The following PSMD1 variants were observed in gnomAD, a reference collection of about 807,000 sequenced individuals.
The protein encoded by PSMD1 is proteasome 26S subunit, non-ATPase 1.
PSMD1 carries 18 observed loss-of-function variants against 119.0 expected under a neutral mutation model. The ratio of observed to expected loss-of-function variants is 0.15; its 90% CI spans 0.10 to 0.22. The LOEUF (loss-of-function observed/expected upper bound fraction) is 0.22, where lower values mean the gene tolerates loss of function less well. PSMD1 is among the 10% of genes least tolerant of loss of function. The probability of loss-of-function intolerance (pLI) is 1.00; values close to 1 mark genes in which losing one functional copy is unlikely to be tolerated. For missense variants in PSMD1, 702 were observed against 1,158.5 expected (o/e 0.61, Z 5.72); for synonymous variants, 374 against 396.6 (o/e 0.94, Z 0.68).
Position 231,170,377 on chromosome 2 carries a change from CTACTGGGTTAAGTTTGCAAA to C in PSMD1, c.2716-184_2716-165del. The C allele has an allele frequency of 2.0e-6, 1 of 504,766 alleles. No individual in the cohort carries two copies. The highest frequency in any genetic ancestry group is 4.5e-5 in the South Asian group (1 of 22,122). 31.3% of individuals were successfully genotyped at this position (504,766 alleles called of 1,614,324 possible). ...GCATCACATGTTATACCATCTAGAG[CTACTGGGTTAAGTTTGCAAA>C]TACTTCGTATAGATCACAGTTATCT... On this transcript the variant is annotated intron_variant, in intron 23 of 24. Transcript: ENST00000308696. This position sits in a 1 kb window ranked among gnomAD's most constrained non-coding sequence, Gnocchi z 4.1.
At chr2:231,084,808 C>A (rs1350188713) in intron 14 of PSMD1, among the ~76,000 whole-genome samples, 2 of 152,042 alleles carry the variant, frequency 1.3e-5, no homozygotes, top group African/African-American at 2.4e-5. Context: ...TATTGCATAG[C>A]GTATTGGGAA....
chr2:231,110,065 T>C (rs1263899458), intron 16 of PSMD1, among the ~76,000 whole-genome samples: 1 of 152,248 alleles, frequency 6.6e-6, no homozygotes, highest in Non-Finnish European at 1.5e-5. Flanking sequence ...ATGCCTGTAA[T>C]TCCAGCACTT....
At chr2:231,086,335 GTGTC>G (rs1330300426) in intron 15 of PSMD1, among the ~76,000 whole-genome samples, 1 of 152,204 alleles carries the variant, frequency 6.6e-6, no homozygotes, top group African/African-American at 2.4e-5. Context: ...GTGAGCCACT[GTGTC>G]TGGCCAGTTG....
intron 16 of PSMD1, among the ~76,000 whole-genome samples, chr2:231,110,124 A>G (rs1559234427): frequency 6.6e-6 from 1 of 152,142 alleles, no homozygotes; most frequent in Non-Finnish European, 1.5e-5. Context: ...GTTTGAGACA[A>G]GCCTGGCCAA....
intron 16 of PSMD1, among the ~76,000 whole-genome samples, chr2:231,103,444 G>C (rs981496001): frequency 3.9e-5 from 6 of 152,154 alleles, no homozygotes; most frequent in African/African-American, 1.4e-4. Context: ...ACTTTTCATA[G>C]AAGTGTCCAG....
chr2:231,095,364 C>T (rs1694699445), intron 16 of PSMD1, among the ~76,000 whole-genome samples: 1 of 152,168 alleles, frequency 6.6e-6, no homozygotes. Context: ...AGGAAATTAG[C>T]ATGTATCCAA....
chr2:231,102,890 TTATTTATTA>T (rs1694902186), intron 16 of PSMD1, among the ~76,000 whole-genome samples: 1 of 142,292 alleles, frequency 7.0e-6, no homozygotes, highest in African/African-American at 2.5e-5. Context: ...TTGTTATAGC[TTATTTATTA>T]TATTTGTTAT....
intron 18 of PSMD1, 42 bp from the exon 19 acceptor site, chr2:231,153,522 A>G (rs757418431): frequency 5.9e-6 from 8 of 1,366,662 alleles, no homozygotes; most frequent in Non-Finnish European, 8.3e-6. Context: ...GGTACCGCAA[A>G]TGAGTAGACT....
rs531156439 is a variant in PSMD1, at chr2:231,124,099, C to T, written c.1884-14637C>T. On this transcript the variant is annotated intron_variant, in intron 16 of 24. Coordinates refer to ENST00000308696, the MANE Select transcript of PSMD1 (RefSeq NM_002807.4). ...TCTTTTTCTGCCGTAGTTGTAGAGT[C>T]GTGTTTGAACTTGCATGCCAGAGAG... 728 of 266,454 alleles carry T rather than the reference C, an allele frequency of 2.7e-3. 17 individuals are homozygous for T. The South Asian group carries it at 0.028, about 10-fold the overall frequency. 16.5% of individuals were successfully genotyped at this position (266,454 alleles called of 1,614,324 possible).
At chr2:231,166,726 G>T (rs1377714657) in intron 23 of PSMD1, among the ~76,000 whole-genome samples, 1 of 152,136 alleles carries the variant, frequency 6.6e-6, no homozygotes, top group African/African-American at 2.4e-5. Flanking sequence ...CCAGATGCTA[G>T]ATCTGTCTAA....
At chr2:231,135,019 G>A (rs573790582) in intron 16 of PSMD1, among the ~76,000 whole-genome samples, 1 of 152,258 alleles carries the variant, frequency 6.6e-6, no homozygotes, top group South Asian at 2.1e-4. Flanking sequence ...AACAAATTAT[G>A]GGAGACAGAA....
chr2:231,138,160 T>C (rs1256676695), intron 16 of PSMD1, among the ~76,000 whole-genome samples: 4 of 152,240 alleles, frequency 2.6e-5, no homozygotes, highest in Non-Finnish European at 1.5e-5. Context: ...TCCTATTTTT[T>C]ATCTTGTTGC....
At chr2:231,122,137 TAGAA>T (rs1695566834) in intron 16 of PSMD1, among the ~76,000 whole-genome samples, 3 of 152,136 alleles carry the variant, frequency 2.0e-5, no homozygotes, top group South Asian at 2.1e-4. Context: ...AACAGGGAGA[TAGAA>T]AGACTGTTAA....
intron 19 of PSMD1, among the ~76,000 whole-genome samples, chr2:231,159,269 T>C (rs768704951): frequency 1.3e-5 from 2 of 152,208 alleles, no homozygotes; most frequent in Non-Finnish European, 2.9e-5. Context: ...ACTAACTCTG[T>C]TACCATCTAG....
At chr2:231,067,687 C>T (rs1253127259) in intron 5 of PSMD1, among the ~76,000 whole-genome samples, 1 of 151,870 alleles carries the variant, frequency 6.6e-6, no homozygotes, top group African/African-American at 2.4e-5. Flanking sequence ...GATGGAGTCT[C>T]GCTCTGTCAA....
chr2:231,117,119 A>C (rs1048934446), intron 16 of PSMD1, among the ~76,000 whole-genome samples: 2 of 152,182 alleles, frequency 1.3e-5, no homozygotes, highest in Admixed American at 1.3e-4. Context: ...AGTTAGTATT[A>C]ATTTAGCTCA....
At chr2:231,101,129 A>G (rs1694856327) in intron 16 of PSMD1, among the ~76,000 whole-genome samples, 1 of 152,188 alleles carries the variant, frequency 6.6e-6, no homozygotes, top group African/African-American at 2.4e-5. Context: ...TTAATGAGAA[A>G]GGCTTGGAGC....
chr2:231,085,371 A>G (rs1221984697), intron 15 of PSMD1, among the ~76,000 whole-genome samples: 2 of 152,226 alleles, frequency 1.3e-5, no homozygotes, highest in African/African-American at 4.8e-5. Context: ...CTAAAATCCT[A>G]CTGCAAGGAG....
chr2:231,084,086 C>T (rs1009502233), intron 14 of PSMD1, among the ~76,000 whole-genome samples: 3 of 152,110 alleles, frequency 2.0e-5, no homozygotes, highest in Non-Finnish European at 4.4e-5. Context: ...TGGTGGCTCA[C>T]GCCTGTAATC....
Sources: gnomAD v4.1 joint callset for allele counts (sites outside exome capture counted in the v4.1 genomes callset) on GRCh38, gnomAD v4.1.1 for gene constraint, Gnocchi (gnomAD v3.1) non-coding constraint, MANE v1.5 for transcripts, NCBI Gene and HGNC (gene_info 2026-07-23, HGNC 2026-07-21) for gene names.